DIAPH2: variants seen among roughly 807,000 people sequenced by gnomAD.
DIAPH2 encodes diaphanous related formin 2, also known as protein diaphanous homolog 2.
DIAPH2 carries 35 observed loss-of-function variants against 92.7 expected under a neutral mutation model. The ratio of observed to expected loss-of-function variants is 0.38; its 90% CI spans 0.29 to 0.50. The LOEUF is 0.50. DIAPH2 is among the 20% of genes least tolerant of loss of function. DIAPH2 has a pLI of 0.94. For synonymous variants in DIAPH2, 301 were observed against 280.4 expected (o/e 1.07, Z -0.73); for missense variants, 701 against 819.5 (o/e 0.86, Z 1.77).
At position 97,350,066 on chromosome X, in the gene DIAPH2, T is replaced by C. The variant is rs1408699337; in HGVS notation, c.3009+1786T>C. 2.7e-5 allele frequency among the ~76,000 whole-genome samples: 3 copies of C among 110,690 alleles called. No homozygotes were observed. The East Asian group carries it at 8.5e-4, about 31-fold the overall frequency. On this transcript the variant is annotated intron_variant, in intron 24 of 26. Coordinates refer to ENST00000324765, the MANE Select transcript of DIAPH2 (RefSeq NM_006729.5). ...GGCTCACACCTGTAATCCCAGCACT[T>C]TGGGAGGCCGAGGCGGGTGGATCAC...
chrX:97,075,037 G>A (rs775329402), intron 18 of DIAPH2, 130 bp from the exon 19 acceptor site: 3 of 384,803 alleles, frequency 7.8e-6, no homozygotes, highest in East Asian at 1.1e-4. Flanking sequence ...AACAACTTTT[G>A]TTTGTTCATA....
intron 22 of DIAPH2, among the ~76,000 whole-genome samples, chrX:97,157,316 A>AAATAAT (rs1299884054): frequency 2.2e-5 from 2 of 89,948 alleles, no homozygotes; most frequent in African/African-American, 3.5e-5. Context: ...CTCCATCTCA[A>AAATAAT]AATAATAATA....
At chrX:96,767,908 G>A (rs2064314265) in intron 4 of DIAPH2, among the ~76,000 whole-genome samples, 2 of 112,172 alleles carry the variant, frequency 1.8e-5, no homozygotes, top group African/African-American at 6.5e-5. Context: ...GATACTGTCT[G>A]TGATGGGAAA....
At chrX:97,064,763 C>T (rs769842813) in intron 17 of DIAPH2, among the ~76,000 whole-genome samples, 4 of 110,083 alleles carry the variant, frequency 3.6e-5, no homozygotes, top group Admixed American at 9.8e-5. Context: ...TATTAAAGTG[C>T]GGGGTTATGC....
chrX:96,871,692 G>T (rs1286070983), intron 4 of DIAPH2, among the ~76,000 whole-genome samples: 1 of 111,233 alleles, frequency 9.0e-6, no homozygotes, highest in Admixed American at 9.6e-5. Flanking sequence ...GATTATAAAG[G>T]AAACCAATCA....
chrX:97,232,424 G>T (rs139452899), intron 22 of DIAPH2, among the ~76,000 whole-genome samples: 1 of 111,078 alleles, frequency 9.0e-6, no homozygotes, highest in African/African-American at 3.3e-5. Flanking sequence ...TAGTAGCGAC[G>T]GGATTTCACC....
At chrX:97,185,327 G>GTATATATATATA (rs1262703134) in intron 22 of DIAPH2, among the ~76,000 whole-genome samples, 4 of 3,877 alleles carry the variant, frequency 1.0e-3, no homozygotes, top group Non-Finnish European at 1.7e-3. Context: ...ATATATATGT[G>GTATATATATATA]TATATATATA....
chrX:97,061,555 TC>T (rs1180709785), intron 17 of DIAPH2, among the ~76,000 whole-genome samples: 1 of 111,106 alleles, frequency 9.0e-6, no homozygotes, highest in Non-Finnish European at 1.9e-5. Flanking sequence ...ACGCCTGTAA[TC>T]CCAGCACTTT....
chrX:96,773,896 A>G (rs894575181), intron 4 of DIAPH2, among the ~76,000 whole-genome samples: 3 of 111,499 alleles, frequency 2.7e-5, no homozygotes, highest in African/African-American at 9.8e-5. Context: ...TAAAGGGACA[A>G]CAAATTTACA....
At chrX:97,247,608 T>TC in intron 22 of DIAPH2, 107 bp from the exon 23 acceptor site, 1 of 714,532 alleles carries the variant, frequency 1.4e-6, no homozygotes. Flanking sequence ...TTCATGGAAC[T>TC]ATTTCCCACA....
intron 25 of DIAPH2, among the ~76,000 whole-genome samples, chrX:97,406,047 G>T (rs1280887319): frequency 9.0e-6 from 1 of 111,497 alleles, no homozygotes; most frequent in African/African-American, 3.3e-5. Flanking sequence ...GGTCTCCTGT[G>T]GATATAGTTC....
intron 26 of DIAPH2, among the ~76,000 whole-genome samples, chrX:97,486,506 A>G (rs1023972009): frequency 8.9e-6 from 1 of 111,933 alleles, no homozygotes; most frequent in Non-Finnish European, 1.9e-5. Context: ...TTATAAAATT[A>G]CCCAGGCAGT....
chrX:96,859,884 G>A (rs1001531817), intron 4 of DIAPH2, among the ~76,000 whole-genome samples: 7 of 110,997 alleles, frequency 6.3e-5, no homozygotes, highest in Non-Finnish European at 1.3e-4. Flanking sequence ...CTTGTGATCC[G>A]CCCGCCTCGG....
chrX:96,719,009 G>A (rs2063973041), intron 1 of DIAPH2, among the ~76,000 whole-genome samples: 1 of 111,564 alleles, frequency 9.0e-6, no homozygotes, highest in Non-Finnish European at 1.9e-5. Context: ...CTGTAATTTT[G>A]ATTTGCATTT....
At chrX:97,499,068 A>G (rs1243535698) in intron 26 of DIAPH2, among the ~76,000 whole-genome samples, 2 of 111,740 alleles carry the variant, frequency 1.8e-5, no homozygotes, top group African/African-American at 6.5e-5. Context: ...TGCCTCAGGG[A>G]CTTGGCAGAT....
At chrX:97,360,955 A>C (rs1459027446) in intron 24 of DIAPH2, among the ~76,000 whole-genome samples, 1 of 110,850 alleles carries the variant, frequency 9.0e-6, no homozygotes, top group African/African-American at 3.3e-5. Flanking sequence ...CTGTAGCCTC[A>C]GACCCCTGGG....
At chrX:96,813,579 G>A (rs1183051486) in intron 4 of DIAPH2, among the ~76,000 whole-genome samples, 2 of 111,255 alleles carry the variant, frequency 1.8e-5, no homozygotes, top group African/African-American at 6.6e-5. Context: ...ATGTTAGGTG[G>A]TTATTTTGCC....
intron 23 of DIAPH2, among the ~76,000 whole-genome samples, chrX:97,292,986 T>G (rs1407794688): frequency 1.8e-5 from 2 of 110,982 alleles, no homozygotes; most frequent in East Asian, 5.6e-4. Context: ...TCAAGCTTAT[T>G]AAAGCCAGAA....
At chrX:97,139,663 G>A (rs1348341121) in intron 21 of DIAPH2, among the ~76,000 whole-genome samples, 2 of 110,545 alleles carry the variant, frequency 1.8e-5, no homozygotes, top group Admixed American at 1.9e-4. Context: ...CTGATGTTGT[G>A]CTTTATTTAT....
Sources: allele counts gnomAD v4.1 joint callset (sites outside exome capture counted in the v4.1 genomes callset), GRCh38; gene constraint gnomAD v4.1.1; transcripts MANE v1.5; gene names NCBI Gene and HGNC (gene_info 2026-07-23, HGNC 2026-07-21).